The following FRRS1 variants were observed in gnomAD, a reference collection of about 807,000 sequenced individuals.
The protein encoded by FRRS1 is ferric reductase 1.
Under a neutral mutation model 70.7 loss-of-function variants are expected in FRRS1, and 51 were observed. That is an observed-to-expected ratio of 0.72 (90% CI 0.58 to 0.91). The LOEUF is 0.91. FRRS1 is among the 40% of genes least tolerant of loss of function. The probability of loss-of-function intolerance (pLI) is 0.00; values close to 1 mark genes in which losing one functional copy is unlikely to be tolerated. For missense variants in FRRS1, 672 were observed against 726.0 expected (o/e 0.93, Z 0.86); for synonymous variants, 225 against 238.7 (o/e 0.94, Z 0.53).
At chr1:99,760,176 G>A (rs981223810) in intron 1 of FRRS1, among the ~76,000 whole-genome samples, 1 of 152,246 alleles carries the variant, frequency 6.6e-6, no homozygotes, top group African/African-American at 2.4e-5. Context: ...CAAGTTGTCA[G>A]TAAGTGGTAA....
intron 1 of FRRS1, among the ~76,000 whole-genome samples, chr1:99,750,864 A>G (rs751393333): frequency 6.6e-6 from 1 of 152,180 alleles, no homozygotes; most frequent in Non-Finnish European, 1.5e-5. Flanking sequence ...GGATAAATAA[A>G]TAAATAATAA....
Position 99,709,212 on chromosome 1 carries a change from C to A in FRRS1, c.1672G>T (p.Ala558Ser), listed in dbSNP as rs1248914339. ...AAAGGACTTACCTCTGTTTCCACTG[C>A]AGTAAATGACTGAAGGATCTGAATT... is the stretch of plus-strand genomic sequence containing the variant. ...DRIQILQSFT[A>S]VETEGHAFKK... Residue 558 changes from alanine (A) to serine (S), a missense_variant, in exon 16 of 17, where the codon GCA (alanine) becomes TCA (serine). By Grantham distance (99) the Ala-to-Ser change is moderately conservative (BLOSUM62 1). Transcript: ENST00000646001. The A allele has an allele frequency of 6.2e-7, 1 of 1,609,308 alleles. No individual in the cohort carries two copies. The highest frequency in any genetic ancestry group is 2.2e-5 in the East Asian group (1 of 44,852).
In FRRS1 at chr1:99,736,872, C is replaced by A. The variant is rs374149756; in HGVS notation, c.759+1214G>T. Among the ~76,000 whole-genome samples the A allele has an allele frequency of 3.8e-4, 57 of 150,944 alleles. No individual in the cohort carries two copies. The Middle Eastern group carries it at 0.01, about 27-fold the overall frequency. On this transcript the variant is annotated intron_variant, in intron 7 of 16. Coordinates refer to ENST00000646001, the MANE Select transcript of FRRS1 (RefSeq NM_001361041.2). The stretch of plus-strand genomic sequence containing the variant: ...AAAGTTAGTTACATCCAGCGTCTTA[C>A]AATACTTGCAAACACTGCTCCAGGA...
intron 7 of FRRS1, among the ~76,000 whole-genome samples, chr1:99,736,278 G>A (rs112892962): frequency 9.9e-5 from 15 of 152,280 alleles, no homozygotes; most frequent in African/African-American, 2.6e-4. Flanking sequence ...AACAATCAGC[G>A]CATCAGCTGA....
At chr1:99,757,120 T>C (rs1445752420) in intron 1 of FRRS1, among the ~76,000 whole-genome samples, 2 of 152,040 alleles carry the variant, frequency 1.3e-5, no homozygotes, top group Admixed American at 1.3e-4. Flanking sequence ...TTAATTTTCG[T>C]TTACTACATC....
chr1:99,723,223 T>C (rs1248480379), intron 9 of FRRS1, among the ~76,000 whole-genome samples: 1 of 152,252 alleles, frequency 6.6e-6, no homozygotes, highest in African/African-American at 2.4e-5. Flanking sequence ...TATTATTCTC[T>C]AACTTGCTCT....
At position 99,709,106 on chromosome 1, in the gene FRRS1, T is replaced by G; in HGVS notation, c.1701A>C (p.Lys567Asn). The change falls in exon 17 of 17, where the codon AAA becomes AAC. Residue 567 changes from lysine (K) to asparagine (N), a missense_variant. Coordinates refer to ENST00000646001, the MANE Select transcript of FRRS1 (RefSeq NM_001361041.2). ...AGACATAAATTGCCAACACTGCCTT[T>G]TTAAAAGCATGACCCTGAAAGAAAA... ...TAVETEGHAF[K>N]KAVLAIYVCG... is the part of the protein sequence containing the mutation. 1.9e-6 allele frequency: 3 copies of G among 1,613,346 alleles called. No homozygotes were observed. Among genetic ancestry groups the G allele is most frequent in the Non-Finnish European group, 2.5e-6 (3 of 1,179,642 alleles).
chr1:99,740,842 G>A lies in FRRS1; in HGVS notation c.527C>T (p.Thr176Ile). 1 of 1,612,616 alleles carries A rather than the reference G, an allele frequency of 6.2e-7. No individual in the cohort carries two copies. Among genetic ancestry groups the A allele is most frequent in the Non-Finnish European group, 8.5e-7 (1 of 1,178,604 alleles). ...NAFPFTTPKA[T>I]VVPLPTLPPV... The stretch of plus-strand genomic sequence containing the variant: ...AGGTAACGTTGGCAAAGGTACTACT[G>A]TAGCTTTAGGTGTTGTAAAAGGAAA... Residue 176 changes from threonine (T) to isoleucine (I), a missense_variant, in exon 6 of 17, where the codon ACA becomes ATA. By Grantham distance (89) the Thr-to-Ile change is moderately conservative. Transcript: ENST00000646001.
intron 9 of FRRS1, among the ~76,000 whole-genome samples, chr1:99,720,804 A>G (rs1050877255): frequency 3.3e-5 from 5 of 151,616 alleles, no homozygotes; most frequent in African/African-American, 9.7e-5. Flanking sequence ...CTATTCAAAA[A>G]AAGTTTTTAT....
At chr1:99,724,095 T>C (rs1654963884) in intron 9 of FRRS1, among the ~76,000 whole-genome samples, 1 of 152,004 alleles carries the variant, frequency 6.6e-6, no homozygotes, top group Non-Finnish European at 1.5e-5. Context: ...TGGAAGAAAA[T>C]GTGTTTAAAC....
intron 11 of FRRS1, 65 bp downstream of exon 11, chr1:99,717,345 T>C (rs940321010): frequency 1.9e-5 from 20 of 1,040,492 alleles, no homozygotes; most frequent in African/African-American, 7.8e-5. Flanking sequence ...ACATACTTCA[T>C]ATGTTTTCAT....
rs1467390359 is a variant in FRRS1, at chr1:99,710,798, C to T, written c.1624+8G>A. On this transcript the variant is annotated splice_region_variant and intron_variant, in intron 15 of 16. Coordinates refer to ENST00000646001, the MANE Select transcript of FRRS1 (RefSeq NM_001361041.2). ...CTTCTACATAACATGGCTTTTTTAC[C>T]AGGTTACCTTTGCGAGAGAGCCGAT... 6.2e-7 allele frequency: 1 copy of T among 1,610,622 alleles called. No individual in the cohort carries two copies. The highest frequency in any genetic ancestry group is 8.5e-7 in the Non-Finnish European group (1 of 1,178,456).
intron 9 of FRRS1, among the ~76,000 whole-genome samples, chr1:99,726,580 A>G (rs984080780): frequency 6.6e-6 from 1 of 152,260 alleles, no homozygotes; most frequent in Non-Finnish European, 1.5e-5. Flanking sequence ...AATGAGATAC[A>G]TGTAATATGC....
At chr1:99,756,656 A>G (rs1656849704) in intron 1 of FRRS1, among the ~76,000 whole-genome samples, 1 of 152,178 alleles carries the variant, frequency 6.6e-6, no homozygotes, top group Non-Finnish European at 1.5e-5. Flanking sequence ...TTAACAAAAG[A>G]CTTTTTAAAA....
intron 12 of FRRS1, among the ~76,000 whole-genome samples, 196 bp from the exon 13 acceptor site, chr1:99,712,711 T>C (rs565451802): frequency 6.6e-6 from 1 of 152,328 alleles, no homozygotes; most frequent in East Asian, 1.9e-4. Flanking sequence ...CACACTAATT[T>C]TTGACAACTA....
At chr1:99,745,715 A>G (rs1656223420) in intron 4 of FRRS1, among the ~76,000 whole-genome samples, 1 of 142,072 alleles carries the variant, frequency 7.0e-6, no homozygotes, top group African/African-American at 2.8e-5. Flanking sequence ...GATATTTGAT[A>G]TAGTTTGGAT....
chr1:99,750,892 G>C (rs1045579286), intron 1 of FRRS1, among the ~76,000 whole-genome samples: 1 of 152,094 alleles, frequency 6.6e-6, no homozygotes, highest in Non-Finnish European at 1.5e-5. Context: ...ACTACATCTA[G>C]GTATATATGA....
rs368765553 is a variant in FRRS1, at chr1:99,728,547, A to G, written c.952T>C (p.Phe318Leu). The change falls in exon 9 of 17, where the codon TTT becomes CTT. Residue 318 changes from phenylalanine (F) to leucine (L), a missense_variant. By Grantham distance (22) the Phe-to-Leu change is conservative. Transcript: ENST00000646001. Reference sequence around the variant, plus strand: ...ATGTAATAGCTTGTGTTTAGATCAAATCTATTCTTAACTCCAGGAAGGGTA... The same window carrying G: ...ATGTAATAGCTTGTGTTTAGATCAAGTCTATTCTTAACTCCAGGAAGGGTA... ...NITLPGVKNR[F>L]DLNTSYYIFL... 6 of 1,613,232 alleles carry G rather than the reference A, an allele frequency of 3.7e-6. No individual in the cohort carries two copies. Among genetic ancestry groups the G allele is most frequent in the African/African-American group, 1.3e-5 (1 of 75,022 alleles).
chr1:99,719,730 T>C (rs902480668), intron 9 of FRRS1, 83 bp from the exon 10 acceptor site: 21 of 720,894 alleles, frequency 2.9e-5, no homozygotes, highest in Admixed American at 5.1e-5. Context: ...GGGCAGGGCA[T>C]GGCAACAAAA....
Sources: allele counts gnomAD v4.1 joint callset (sites outside exome capture counted in the v4.1 genomes callset), GRCh38; gene constraint gnomAD v4.1.1; transcripts MANE v1.5; gene names NCBI Gene and HGNC (gene_info 2026-07-23, HGNC 2026-07-21).